The following MAPK8 variants were observed in gnomAD, a reference collection of about 807,000 sequenced individuals.
MAPK8 encodes the protein JUN N-terminal kinase.
Under a neutral mutation model 52.9 loss-of-function variants are expected in MAPK8, and 13 were observed. The ratio of observed to expected loss-of-function variants is 0.25; its 90% CI spans 0.16 to 0.39. The LOEUF (loss-of-function observed/expected upper bound fraction) is 0.39. Ranked by LOEUF, MAPK8 falls within the 10% of genes least tolerant of loss-of-function variation. MAPK8 has a pLI of 1.00. For missense variants in MAPK8, 300 were observed against 519.2 expected (o/e 0.58, Z 4.10); for synonymous variants, 191 against 169.8 (o/e 1.12, Z -0.97).
chr10:48,426,284 A>G, intron 8 of MAPK8, 96 bp from the exon 9 acceptor site: 1 of 1,106,846 alleles, frequency 9.0e-7, no homozygotes, highest in Non-Finnish European at 1.3e-6. Flanking sequence ...ATATTTTTAA[A>G]ACATATGCTT....
intron 1 of MAPK8, among the ~76,000 whole-genome samples, chr10:48,359,606 C>A (rs1411303939): frequency 6.6e-6 from 1 of 152,078 alleles, no homozygotes; most frequent in Non-Finnish European, 1.5e-5. Context: ...TACCCAGAAC[C>A]ACCCATTCCC....
At chr10:48,384,383 G>C (rs1043884178) in intron 1 of MAPK8, among the ~76,000 whole-genome samples, 1 of 152,184 alleles carries the variant, frequency 6.6e-6, no homozygotes, top group Non-Finnish European at 1.5e-5. Context: ...TACAAATGAA[G>C]ATTTCTTTTG....
chr10:48,350,975 A>G (rs182628024), intron 1 of MAPK8, among the ~76,000 whole-genome samples: 165 of 152,302 alleles, frequency 1.1e-3, no homozygotes, highest in African/African-American at 3.6e-3. Flanking sequence ...CACCAGTAAT[A>G]GACAAACAGA....
At chr10:48,356,184 T>A (rs1846916374) in intron 1 of MAPK8, among the ~76,000 whole-genome samples, 2 of 152,250 alleles carry the variant, frequency 1.3e-5, no homozygotes, top group Admixed American at 1.3e-4. Context: ...GTAATCATTT[T>A]CATAGGCTTT....
At position 48,435,202 on chromosome 10, in the gene MAPK8, T is replaced by C. The variant is rs959649722; in HGVS notation, c.*173T>C. 1 of 503,300 alleles carries C rather than the reference T, an allele frequency of 2.0e-6. No homozygotes were observed. The highest frequency in any genetic ancestry group is 2.0e-5 in the African/African-American group (1 of 50,970). 31.2% of individuals were successfully genotyped at this position (503,300 alleles called of 1,614,324 possible). A position where few individuals can be genotyped will look rare whatever the true frequency, so the allele number is the denominator to read the frequency against. ...ATTTCAAGTGATGTAATTTAAAACCTAAGTTGTGTTTCAAAACAGCAACAA... is the reference window on the plus strand; with the variant it reads ...ATTTCAAGTGATGTAATTTAAAACCCAAGTTGTGTTTCAAAACAGCAACAA... On this transcript the variant is annotated 3_prime_UTR_variant, in exon 12 of 12. Coordinates refer to ENST00000374189, the MANE Select transcript of MAPK8 (RefSeq NM_001323329.2).
intron 1 of MAPK8, among the ~76,000 whole-genome samples, chr10:48,346,551 G>T (rs79317446): frequency 0.039 from 5,917 of 152,264 alleles, 123 homozygotes; most frequent in African/African-American, 0.049. Flanking sequence ...TGGGAAGCAG[G>T]GGGGAGGGTC....
chr10:48,413,711 C>T (rs533514645), intron 5 of MAPK8, among the ~76,000 whole-genome samples: 1 of 150,346 alleles, frequency 6.7e-6, no homozygotes, highest in Non-Finnish European at 1.5e-5. Flanking sequence ...TGTTTTTGCT[C>T]TGAAGTGAAG....
chr10:48,365,979 G>A (rs1847991580), intron 1 of MAPK8, among the ~76,000 whole-genome samples: 1 of 152,066 alleles, frequency 6.6e-6, no homozygotes, highest in Admixed American at 6.6e-5. Flanking sequence ...ACATGCCATA[G>A]TTTGCGGAAT....
At chr10:48,359,923 A>C (rs1166322087) in intron 1 of MAPK8, among the ~76,000 whole-genome samples, 1 of 152,250 alleles carries the variant, frequency 6.6e-6, no homozygotes, top group African/African-American at 2.4e-5. Context: ...TTTGGAACTC[A>C]TCTTTGCCAG....
chr10:48,322,547 G>A (rs73293155), intron 1 of MAPK8, among the ~76,000 whole-genome samples: 1 of 152,216 alleles, frequency 6.6e-6, no homozygotes, highest in Admixed American at 6.5e-5. Context: ...AGTCTACGAA[G>A]GCTGGTCTAT....
At chr10:48,418,639 A>G (rs1339079213) in intron 5 of MAPK8, among the ~76,000 whole-genome samples, 1 of 152,214 alleles carries the variant, frequency 6.6e-6, no homozygotes, top group Non-Finnish European at 1.5e-5. Context: ...AATTGGGGGA[A>G]GAAGACAGAA....
At chr10:48,317,763 TCTC>T (rs989722930) in intron 1 of MAPK8, among the ~76,000 whole-genome samples, 3 of 152,122 alleles carry the variant, frequency 2.0e-5, no homozygotes, top group African/African-American at 4.8e-5. Context: ...GAAGGCCTAT[TCTC>T]CTGGCTTTCA....
At chr10:48,431,772 T>C (rs929808093) in intron 11 of MAPK8, among the ~76,000 whole-genome samples, 4 of 152,190 alleles carry the variant, frequency 2.6e-5, no homozygotes, top group African/African-American at 4.8e-5. Flanking sequence ...TTAAAACTTT[T>C]TTTTATCATA....
At chr10:48,351,407 C>T (rs1043506815) in intron 1 of MAPK8, among the ~76,000 whole-genome samples, 2 of 150,770 alleles carry the variant, frequency 1.3e-5, no homozygotes, top group South Asian at 2.1e-4. Flanking sequence ...CCTGAGGTCT[C>T]GCTATGGTGC....
In MAPK8 at chr10:48,393,635, T is replaced by C. The variant is rs942981960; in HGVS notation, c.-49-7977T>C. Among the ~76,000 whole-genome samples, 7 of 152,084 alleles carry C rather than the reference T, an allele frequency of 4.6e-5. No individual in the cohort carries two copies. The East Asian group carries it at 1.2e-3, about 25-fold the overall frequency. On this transcript the variant is annotated intron_variant, in intron 1 of 11. Transcript: ENST00000374189. ...ACAAAGCCCTTGAAACAGGACCCCATGTAAAGTAAGATTTTTTTAAAGTGT... is the reference window on the plus strand; with the variant it reads ...ACAAAGCCCTTGAAACAGGACCCCACGTAAAGTAAGATTTTTTTAAAGTGT...
intron 5 of MAPK8, among the ~76,000 whole-genome samples, chr10:48,414,862 A>G (rs1299872333): frequency 1.3e-5 from 2 of 152,114 alleles, no homozygotes; most frequent in Admixed American, 6.5e-5. Context: ...GATCACAGGC[A>G]TGAGCCATCA....
At chr10:48,385,899 G>A (rs141109732) in intron 1 of MAPK8, among the ~76,000 whole-genome samples, 72 of 152,064 alleles carry the variant, frequency 4.7e-4, no homozygotes, top group African/African-American at 1.7e-3. Flanking sequence ...TCTGCTGGGG[G>A]CAGGCACATT....
intron 1 of MAPK8, among the ~76,000 whole-genome samples, chr10:48,371,190 T>A (rs777986328): frequency 5.3e-5 from 8 of 152,172 alleles, no homozygotes; most frequent in Non-Finnish European, 4.4e-5. Context: ...CTGATATTTT[T>A]AAAATAACTT....
chr10:48,342,130 C>T (rs746058004), intron 1 of MAPK8, among the ~76,000 whole-genome samples: 3 of 152,184 alleles, frequency 2.0e-5, no homozygotes, highest in Non-Finnish European at 4.4e-5. Flanking sequence ...TTTATTGAGA[C>T]GGGGTCTCTG....
Sources: gnomAD v4.1 joint callset for allele counts (sites outside exome capture counted in the v4.1 genomes callset) on GRCh38, gnomAD v4.1.1 for gene constraint, MANE v1.5 for transcripts, NCBI Gene and HGNC (gene_info 2026-07-23, HGNC 2026-07-21) for gene names.